The following IGSF21 variants were observed in gnomAD, a reference collection of about 807,000 sequenced individuals.
IGSF21 encodes immunoglobulin superfamily member 21.
A neutral mutation model predicts 46.8 loss-of-function variants in IGSF21; 28 were observed. That is an observed-to-expected ratio of 0.60 (90% CI 0.44 to 0.82). The LOEUF (loss-of-function observed/expected upper bound fraction) is 0.82. Among genes scored for constraint, IGSF21 ranks in the 40% least tolerant of loss-of-function variants. IGSF21 has a pLI of 0.00. For missense variants in IGSF21, 624 were observed against 665.5 expected (o/e 0.94, Z 0.69); for synonymous variants, 284 against 273.6 (o/e 1.04, Z -0.38).
chr1:18,312,938 C>G (rs570874200), intron 3 of IGSF21, among the ~76,000 whole-genome samples: 33 of 152,296 alleles, frequency 2.2e-4, no homozygotes, highest in African/African-American at 6.0e-4. Context: ...CACGGACTGC[C>G]TTCTTCTTTC....
At chr1:18,308,610 C>A (rs2085451243) in intron 3 of IGSF21, among the ~76,000 whole-genome samples, 1 of 152,144 alleles carries the variant, frequency 6.6e-6, no homozygotes, top group African/African-American at 2.4e-5. Flanking sequence ...TGTAATGAGG[C>A]AGTTATAGTA....
At chr1:18,318,465 C>CAT (rs1553163223) in intron 3 of IGSF21, among the ~76,000 whole-genome samples, 2 of 148,704 alleles carry the variant, frequency 1.3e-5, no homozygotes, top group Non-Finnish European at 3.0e-5. Context: ...TGCGTGCGTG[C>CAT]GTGTGTGTGT....
At chr1:18,258,989 T>C (rs1347526149) in intron 2 of IGSF21, among the ~76,000 whole-genome samples, 1 of 152,158 alleles carries the variant, frequency 6.6e-6, no homozygotes, top group Admixed American at 6.5e-5. Context: ...TTTCCCTCTC[T>C]CTCCCTTTGG....
chr1:18,374,403 C>T (rs927925135), intron 6 of IGSF21, among the ~76,000 whole-genome samples: 8 of 152,270 alleles, frequency 5.3e-5, no homozygotes, highest in East Asian at 1.9e-4. Flanking sequence ...CTAACGGCCC[C>T]GCGTGTTAGG....
chr1:18,239,862 C>G (rs2084709547), intron 2 of IGSF21, among the ~76,000 whole-genome samples: 1 of 152,124 alleles, frequency 6.6e-6, no homozygotes, highest in Non-Finnish European at 1.5e-5. Context: ...ATAACACTCT[C>G]AAAATACTAA....
chr1:18,333,084 T>C (rs2085730953), intron 3 of IGSF21, among the ~76,000 whole-genome samples: 1 of 152,092 alleles, frequency 6.6e-6, no homozygotes. Flanking sequence ...GAACCTCCAT[T>C]CTCAGGGGTG....
At chr1:18,368,318 A>T (rs1430178039) in intron 6 of IGSF21, among the ~76,000 whole-genome samples, 1 of 145,148 alleles carries the variant, frequency 6.9e-6, no homozygotes, top group Non-Finnish European at 1.5e-5. Context: ...AGCCTGACTA[A>T]TGTGGTGAAA....
In IGSF21 at chr1:18,290,848, C is replaced by T. The variant is rs564444843; in HGVS notation, c.184-1018C>T. 2.6e-4 allele frequency among the ~76,000 whole-genome samples: 40 copies of T among 152,154 alleles called. No homozygotes were observed. Among genetic ancestry groups the T allele is most frequent in the South Asian group, 1.2e-3 (6 of 4,806 alleles). ...CCAGCCCCCTCCCTGCCCCTTTCCC[C>T]GCTGCCTCCACCACACAGAGCCGCA... On this transcript the variant is annotated intron_variant, in intron 2 of 9. Coordinates refer to ENST00000251296, the MANE Select transcript of IGSF21 (RefSeq NM_032880.5). This position sits in a 1 kb window ranked among gnomAD's most constrained non-coding sequence, Gnocchi z 4.2.
At chr1:18,215,806 T>C (rs2084438548) in intron 1 of IGSF21, among the ~76,000 whole-genome samples, 1 of 152,154 alleles carries the variant, frequency 6.6e-6, no homozygotes, top group African/African-American at 2.4e-5. Flanking sequence ...AAGAAGAATT[T>C]GGATGCAGGC....
At chr1:18,359,391 G>GAAAGA (rs1557659675) in intron 4 of IGSF21, among the ~76,000 whole-genome samples, 2 of 51,316 alleles carry the variant, frequency 3.9e-5, no homozygotes, top group South Asian at 8.2e-4. Flanking sequence ...AGAAAGGAAG[G>GAAAGA]AAGGAAGGAA....
At chr1:18,144,233 C>T (rs2086445214) in intron 1 of IGSF21, among the ~76,000 whole-genome samples, 1 of 152,202 alleles carries the variant, frequency 6.6e-6, no homozygotes, top group Non-Finnish European at 1.5e-5. Flanking sequence ...GCCTGGCCCA[C>T]AGCCCCTTCC....
chr1:18,208,376 A>ATATAT (rs1557588190), intron 1 of IGSF21, among the ~76,000 whole-genome samples: 3 of 22,034 alleles, frequency 1.4e-4, no homozygotes, highest in African/African-American at 5.2e-4. Flanking sequence ...GTTTAGGAAT[A>ATATAT]ATATATATAT....
intron 2 of IGSF21, among the ~76,000 whole-genome samples, chr1:18,246,120 T>G (rs1234020336): frequency 1.3e-5 from 2 of 152,136 alleles, no homozygotes; most frequent in African/African-American, 4.8e-5. Flanking sequence ...CAGTTATATT[T>G]TGTTTCTCTT....
Position 18,306,574 on chromosome 1 carries a change from C to T in IGSF21, c.305+14587C>T, listed in dbSNP as rs528473467. On this transcript the variant is annotated intron_variant, in intron 3 of 9. Coordinates refer to ENST00000251296, the MANE Select transcript of IGSF21 (RefSeq NM_032880.5). ...GGTCCCCCTGCCCCTCCTCTGTCCC[C>T]CTAGCTTTCAGAATGGCACCAGGCA... 5.3e-5 allele frequency among the ~76,000 whole-genome samples: 8 copies of T among 152,304 alleles called. No homozygotes were observed. The South Asian group carries it at 1.7e-3, about 32-fold the overall frequency.
intron 1 of IGSF21, among the ~76,000 whole-genome samples, chr1:18,180,887 C>T (rs368579816): frequency 8.5e-5 from 13 of 152,116 alleles, no homozygotes; most frequent in African/African-American, 2.4e-4. Context: ...TGGTAAGAGG[C>T]GGATCAGGGA....
At chr1:18,142,353 C>T (rs879307960) in intron 1 of IGSF21, among the ~76,000 whole-genome samples, 1 of 152,166 alleles carries the variant, frequency 6.6e-6, no homozygotes. Context: ...CTGGTCCAAC[C>T]GGGATTAGAA....
intron 1 of IGSF21, among the ~76,000 whole-genome samples, chr1:18,218,610 A>T (rs2084476869): frequency 6.6e-6 from 1 of 152,250 alleles, no homozygotes; most frequent in African/African-American, 2.4e-5. Flanking sequence ...GGTGCCACAT[A>T]AAGAATGAAG....
intron 1 of IGSF21, among the ~76,000 whole-genome samples, chr1:18,171,573 C>T (rs1023294909): frequency 2.0e-5 from 3 of 152,214 alleles, no homozygotes; most frequent in African/African-American, 7.2e-5. Context: ...TTTTCCTCTC[C>T]AAGCCTCAGT....
Position 18,287,201 on chromosome 1 carries a change from A to AT in IGSF21, c.184-4664dup, listed in dbSNP as rs1339213903. ...GTCTCAAAAAAAAAAAATAAAATAA[A>AT]TAAATAAATAAAAATAAATAAAAAT... On this transcript the variant is annotated intron_variant, in intron 2 of 9. Coordinates refer to ENST00000251296, the MANE Select transcript of IGSF21 (RefSeq NM_032880.5). 1.4e-3 allele frequency among the ~76,000 whole-genome samples: 208 copies of AT among 147,550 alleles called. 6 individuals are homozygous for AT. Among genetic ancestry groups the AT allele is most frequent in the Admixed American group, 0.013 (187 of 14,844 alleles).
Sources: allele counts gnomAD v4.1 joint callset (sites outside exome capture counted in the v4.1 genomes callset), GRCh38; gene constraint gnomAD v4.1.1; non-coding constraint Gnocchi (gnomAD v3.1); transcripts MANE v1.5; gene names NCBI Gene and HGNC (gene_info 2026-07-23, HGNC 2026-07-21).